The following RUBCN variants were observed in gnomAD, a reference collection of about 807,000 sequenced individuals.
RUBCN encodes the protein run domain Beclin-1-interacting and cysteine-rich domain-containing protein.
RUBCN carries 74 observed loss-of-function variants against 113.2 expected under a neutral mutation model. The observed-to-expected ratio is 0.65, with a 90% CI of 0.54 to 0.79. The LOEUF (loss-of-function observed/expected upper bound fraction) is 0.79, where lower values mean the gene tolerates loss of function less well. Among genes scored for constraint, RUBCN ranks in the 30% least tolerant of loss-of-function variants. The probability of loss-of-function intolerance (pLI) is 0.00; values close to 1 mark genes in which losing one functional copy is unlikely to be tolerated. For synonymous variants in RUBCN, 480 were observed against 490.0 expected, an observed-to-expected ratio of 0.98 and a Z score of 0.27; for missense variants, 1,109 against 1,251.7, an observed-to-expected ratio of 0.89 and a Z score of 1.72.
chr3:197,696,849 TA>T (rs1723065505), intron 8 of RUBCN, 104 bp downstream of exon 8: 11 of 720,998 alleles, frequency 1.5e-5, no homozygotes, highest in South Asian at 1.3e-4. Context: ...TAACAGTGTG[TA>T]CCCTCCAGAG....
intron 1 of RUBCN, among the ~76,000 whole-genome samples, chr3:197,746,739 C>T (rs1398792): frequency 0.75 from 113,848 of 152,016 alleles, 45,617 homozygotes; most frequent in East Asian, 0.94. Flanking sequence ...TTGTGTGAAA[C>T]GAAGTCTTTT....
rs141009602 is a variant in RUBCN, at chr3:197,674,895, A to AAT, written c.*122_*123insAT. On this transcript the variant is annotated 3_prime_UTR_variant, in exon 20 of 20. Coordinates refer to ENST00000296343, the MANE Select transcript of RUBCN (RefSeq NM_014687.4). Reference sequence around the variant, plus strand: ...GACAAGTCAGTAAAAAAAAAAAAAAAGATGATGATAATTAAAAAAAAAAAA... The same window carrying AAT: ...GACAAGTCAGTAAAAAAAAAAAAAAAATGATGATGATAATTAAAAAAAAAAAA... 1.8e-3 allele frequency: 1,338 copies of AAT among 735,954 alleles called. 2 individuals are homozygous for AAT. Among genetic ancestry groups the AAT allele is most frequent in the Non-Finnish European group, 2.2e-3 (1,070 of 480,884 alleles). The allele number at this position is 735,954 out of a possible 1,614,324, so 45.6% of individuals were successfully genotyped here.
chr3:197,695,232 C>A (rs1408397111), intron 9 of RUBCN, among the ~76,000 whole-genome samples: 1 of 149,256 alleles, frequency 6.7e-6, no homozygotes, highest in Non-Finnish European at 1.5e-5. Context: ...TGAATCCCAG[C>A]ACTCTGGGAG....
intron 2 of RUBCN, among the ~76,000 whole-genome samples, chr3:197,710,318 C>T (rs1219851639): frequency 4.6e-5 from 7 of 151,898 alleles, no homozygotes; most frequent in South Asian, 2.1e-4. Context: ...TGTCAAAAGA[C>T]GGCCGGGCGC....
At chr3:197,696,851 C>A in intron 8 of RUBCN, 103 bp downstream of exon 8, 1 of 724,256 alleles carries the variant, frequency 1.4e-6, no homozygotes. Flanking sequence ...ACAGTGTGTA[C>A]CCTCCAGAGA....
intron 5 of RUBCN, among the ~76,000 whole-genome samples, chr3:197,702,476 A>G (rs1723792084): frequency 1.3e-5 from 2 of 152,190 alleles, no homozygotes; most frequent in Non-Finnish European, 2.9e-5. Context: ...CAGCCTGGCC[A>G]ACATGGTGAA....
At chr3:197,693,243 G>A (rs539734394) in intron 11 of RUBCN, among the ~76,000 whole-genome samples, 3 of 152,292 alleles carry the variant, frequency 2.0e-5, no homozygotes, top group South Asian at 2.1e-4. Flanking sequence ...AGTGAGCACC[G>A]ACCGCAAGGG....
chr3:197,718,574 C>G (rs551455460), intron 1 of RUBCN, among the ~76,000 whole-genome samples: 92 of 152,222 alleles, frequency 6.0e-4, no homozygotes, highest in African/African-American at 2.1e-3. Flanking sequence ...CTCAACCTCC[C>G]GAGTAGCTGG....
At position 197,696,963 on chromosome 3, in the gene RUBCN, T is replaced by C. The variant is rs753661815; in HGVS notation, c.1348A>G (p.Met450Val). Residue 450 changes from methionine (M) to valine (V), a missense_variant, in exon 8 of 20, where the codon ATG (methionine) becomes GTG (valine). Around this residue, in one of 3 missense-constraint regions of RUBCN, gnomAD observed 736 missense variants for 779.6 expected, o/e 0.94. Coordinates refer to ENST00000296343, the MANE Select transcript of RUBCN (RefSeq NM_014687.4). The stretch of plus-strand genomic sequence containing the variant: ...CCTTCCTAGTACTCACCATATTCCA[T>C]GTACAGAGAGCTGGGTGTGCTGACT... Reference protein sequence around the residue: ...SEVSTPSSLYMEYEGGRYLCS... With the variant: ...SEVSTPSSLYVEYEGGRYLCS... 2.2e-5 allele frequency: 35 copies of C among 1,585,444 alleles called. No homozygotes were observed. Among genetic ancestry groups the C allele is most frequent in the Admixed American group, 3.3e-5 (2 of 59,946 alleles).
At chr3:197,746,279 A>G (rs368877161) in intron 1 of RUBCN, among the ~76,000 whole-genome samples, 53 of 152,342 alleles carry the variant, frequency 3.5e-4, no homozygotes, top group African/African-American at 1.3e-3. Context: ...TTTCACTTAT[A>G]TAGGCAGAAA....
rs1353820199 is a variant in RUBCN at position 197,690,395 on chromosome 3, G to A, written c.1786+3320C>T. Among the ~76,000 whole-genome samples, 4 of 152,192 alleles carry A rather than the reference G, an allele frequency of 2.6e-5. 1 individual carries two copies. Among genetic ancestry groups the A allele is most frequent in the South Asian group, 4.1e-4 (2 of 4,834 alleles). The stretch of plus-strand genomic sequence containing the variant: ...AGAGGTTGCAGTGAGCCGAGATTGC[G>A]CCATTGCACTCCAGCATGGGCAACA... On this transcript the variant is annotated intron_variant, in intron 11 of 19. Transcript: ENST00000296343.
At position 197,680,457 on chromosome 3, in the gene RUBCN, TCTAA is replaced by T. The variant is rs1314568368; in HGVS notation, c.2430+668_2430+671del. On this transcript the variant is annotated intron_variant, in intron 16 of 19. Coordinates refer to ENST00000296343, the MANE Select transcript of RUBCN (RefSeq NM_014687.4). ...CAAGTGGCTTCAGACTGTCCTACGCTCTAACTGACAACTGGCTCCAGACTGTCCT... is the reference window on the plus strand; with the variant it reads ...CAAGTGGCTTCAGACTGTCCTACGCTCTGACAACTGGCTCCAGACTGTCCT... Among the ~76,000 whole-genome samples the T allele has an allele frequency of 3.8e-4, 57 of 148,642 alleles. 1 individual carries two copies. The highest frequency in any genetic ancestry group is 5.3e-4 in the Non-Finnish European group (36 of 67,376).
chr3:197,738,961 A>G (rs896400504), upstream of RUBCN, among the ~76,000 whole-genome samples: 1 of 151,676 alleles, frequency 6.6e-6, no homozygotes, highest in Non-Finnish European at 1.5e-5. Context: ...AATTAACACT[A>G]TATTATTTAT....
rs1266056457 is a variant in RUBCN at position 197,683,902 on chromosome 3, C to A, written c.1847+255G>T. Among the ~76,000 whole-genome samples, 1 of 152,112 alleles carries A rather than the reference C, an allele frequency of 6.6e-6. No individual in the cohort carries two copies. The highest frequency in any genetic ancestry group is 1.9e-4 in the East Asian group (1 of 5,196). Reference sequence around the variant, plus strand: ...GCTCTCTTTTGAGACCTTCTGGGGCCTCTGGTTATGATGAGAGTCAGCAGA... The same window carrying A: ...GCTCTCTTTTGAGACCTTCTGGGGCATCTGGTTATGATGAGAGTCAGCAGA... On this transcript the variant is annotated intron_variant, in intron 12 of 19. Coordinates refer to ENST00000296343, the MANE Select transcript of RUBCN (RefSeq NM_014687.4). This position sits in a 1 kb window ranked among gnomAD's most constrained non-coding sequence, Gnocchi z 4.6.
At chr3:197,731,459 T>A (rs923736326) in intron 1 of RUBCN, among the ~76,000 whole-genome samples, 1 of 152,240 alleles carries the variant, frequency 6.6e-6, no homozygotes, top group African/African-American at 2.4e-5. Context: ...CCCGTTTCTA[T>A]TCTACAAAAC....
intron 5 of RUBCN, among the ~76,000 whole-genome samples, chr3:197,703,095 CCAAG>C (rs1205666448): frequency 1.3e-5 from 2 of 152,018 alleles, no homozygotes; most frequent in African/African-American, 4.8e-5. Context: ...CTCCCCTCCT[CCAAG>C]CATTTTAAAT....
chr3:197,742,183 A>G (rs1728552555), intron 1 of RUBCN, among the ~76,000 whole-genome samples: 2 of 152,070 alleles, frequency 1.3e-5, no homozygotes, highest in African/African-American at 4.8e-5. Context: ...TTAATGTTAA[A>G]ATGAAAATTT....
chr3:197,694,392 T>G lies in RUBCN; in HGVS notation c.1667A>C (p.Gln556Pro). The G allele has an allele frequency of 6.2e-7, 1 of 1,614,248 alleles. No individual in the cohort carries two copies. Among genetic ancestry groups the G allele is most frequent in the Non-Finnish European group, 8.5e-7 (1 of 1,180,048 alleles). ...CCACTGACTTCCGTGCTCAGCCTCC[T>G]GGTACATGGGGAGCAGGTTCTTGGT... ...IRTKNLLPMY[Q>P]EAEHGSFRVT... Residue 556 changes from glutamine to proline, a missense_variant, in exon 10 of 20, where the codon CAG (glutamine) becomes CCG (proline). Physicochemically the swap from Gln to Pro is moderately conservative, Grantham distance 76 (BLOSUM62 -1). Around this residue, in one of 3 missense-constraint regions of RUBCN, gnomAD observed 736 missense variants for 779.6 expected, o/e 0.94. Transcript: ENST00000296343.
intron 16 of RUBCN, among the ~76,000 whole-genome samples, chr3:197,678,420 C>G (rs558878305): frequency 6.1e-4 from 93 of 151,644 alleles, no homozygotes; most frequent in African/African-American, 2.2e-3. Flanking sequence ...TACGCTCTAA[C>G]TCGTCAACTG....
Sources: allele counts gnomAD v4.1 joint callset (sites outside exome capture counted in the v4.1 genomes callset), GRCh38; gene constraint gnomAD v4.1.1; regional missense constraint gnomAD v4.1.1; non-coding constraint Gnocchi (gnomAD v3.1); transcripts MANE v1.5; gene names NCBI Gene and HGNC (gene_info 2026-07-23, HGNC 2026-07-21).